SNTG1: variants seen among roughly 807,000 people sequenced by gnomAD.
SNTG1 encodes syntrophin gamma 1.
In SNTG1, 39 loss-of-function variants were observed where a neutral mutation model predicts 74.7. The ratio of observed to expected loss-of-function variants is 0.52; its 90% CI spans 0.40 to 0.68. The LOEUF is 0.68. Among genes scored for constraint, SNTG1 ranks in the 30% least tolerant of loss-of-function variants. The pLI, the probability that SNTG1 is intolerant of heterozygous loss-of-function variation, is 0.00. For synonymous variants in SNTG1, 254 were observed against 217.1 expected (o/e 1.17, Z -1.49); for missense variants, 685 against 609.5 (o/e 1.12, Z -1.30).
At chr8:50,265,373 A>G (rs1443319102) in intron 2 of SNTG1, among the ~76,000 whole-genome samples, 1 of 152,132 alleles carries the variant, frequency 6.6e-6, no homozygotes, top group Non-Finnish European at 1.5e-5. Context: ...ACTGGAAACC[A>G]CCGGATTTTC....
chr8:50,663,847 C>T (rs1057256863), intron 15 of SNTG1, among the ~76,000 whole-genome samples: 1 of 152,132 alleles, frequency 6.6e-6, no homozygotes, highest in African/African-American at 2.4e-5. Flanking sequence ...CTCAGCATTG[C>T]AAATGCCTCC....
intron 9 of SNTG1, among the ~76,000 whole-genome samples, chr8:50,524,280 T>C (rs528004401): frequency 1.2e-4 from 19 of 152,192 alleles, no homozygotes; most frequent in Middle Eastern, 3.4e-3. Flanking sequence ...TGGTTTCAAG[T>C]TAGTGTCTCT....
chr8:50,021,254 C>T (rs1299828469), intron 1 of SNTG1, among the ~76,000 whole-genome samples: 1 of 152,130 alleles, frequency 6.6e-6, no homozygotes, highest in Admixed American at 6.6e-5. Context: ...AACATGACTT[C>T]CTCAATTGTA....
intron 2 of SNTG1, among the ~76,000 whole-genome samples, chr8:50,310,937 TTGCCACCTCC>T (rs2090087531): frequency 6.6e-6 from 1 of 152,162 alleles, no homozygotes. Flanking sequence ...CAGCGTTCAA[TTGCCACCTCC>T]TGCCTTTAGA....
chr8:50,129,154 A>G lies in SNTG1; in HGVS notation c.-102-43407A>G, dbSNP rs10103196. Among the ~76,000 whole-genome samples, 1,201 of 152,252 alleles carry G rather than the reference A, an allele frequency of 7.9e-3. 15 individuals are homozygous for G. The highest frequency in any genetic ancestry group is 0.028 in the African/African-American group (1,157 of 41,556). On this transcript the variant is annotated intron_variant, in intron 1 of 18. Transcript: ENST00000642720. ...ACTGAGTGCCTACTATGTGCCAAGC[A>G]CTACACTAGATACTAAAGACATAAG...
intron 15 of SNTG1, among the ~76,000 whole-genome samples, chr8:50,692,799 C>T (rs2095387371): frequency 2.0e-5 from 3 of 152,224 alleles, no homozygotes. Flanking sequence ...ACATTTAAGT[C>T]TGCAGAGGTT....
chr8:50,249,259 C>T (rs963389471), intron 2 of SNTG1, among the ~76,000 whole-genome samples: 2 of 152,168 alleles, frequency 1.3e-5, no homozygotes, highest in African/African-American at 2.4e-5. Context: ...GGGCAGGAGT[C>T]CTCATGGCAT....
At chr8:50,342,429 T>A (rs914144240) in intron 2 of SNTG1, among the ~76,000 whole-genome samples, 8 of 152,166 alleles carry the variant, frequency 5.3e-5, no homozygotes, top group Admixed American at 3.3e-4. Context: ...ATGTTCGTGG[T>A]GAACCACAGA....
At chr8:50,408,006 T>G (rs1332942157) in intron 4 of SNTG1, among the ~76,000 whole-genome samples, 1 of 152,172 alleles carries the variant, frequency 6.6e-6, no homozygotes, top group Non-Finnish European at 1.5e-5. Context: ...ACAATAGCAG[T>G]GTTACCTAGA....
At chr8:50,206,826 T>A (rs1294095688) in intron 2 of SNTG1, among the ~76,000 whole-genome samples, 1 of 152,224 alleles carries the variant, frequency 6.6e-6, no homozygotes, top group Admixed American at 6.5e-5. Context: ...GAGACAATCA[T>A]GTGGTTTTTG....
At chr8:50,650,193 G>T (rs2095136139) in intron 13 of SNTG1, among the ~76,000 whole-genome samples, 1 of 151,810 alleles carries the variant, frequency 6.6e-6, no homozygotes, top group Admixed American at 6.6e-5. Flanking sequence ...ATAATTTAAA[G>T]ATTCTATCAT....
In SNTG1 at chr8:50,102,323, T is replaced by G. The variant is rs994842641; in HGVS notation, c.-102-70238T>G. Among the ~76,000 whole-genome samples, 211 of 152,144 alleles carry G rather than the reference T, an allele frequency of 1.4e-3. 2 individuals carry two copies. Among genetic ancestry groups the G allele is most frequent in the Admixed American group, 2.5e-3 (38 of 15,256 alleles). On this transcript the variant is annotated intron_variant, in intron 1 of 18. Coordinates refer to ENST00000642720, the MANE Select transcript of SNTG1 (RefSeq NM_018967.5). ...TCTGATGGCCAGTGATGATGAGCAT[T>G]TTTTCATGTGTTTTTTGGCTGCACA...
At chr8:50,596,057 T>G (rs1472964702) in intron 13 of SNTG1, among the ~76,000 whole-genome samples, 2 of 152,010 alleles carry the variant, frequency 1.3e-5, no homozygotes, top group African/African-American at 2.4e-5. Flanking sequence ...AGAACTGTTT[T>G]CCGAAGGGTT....
chr8:50,197,562 T>G (rs1273482575), intron 2 of SNTG1, among the ~76,000 whole-genome samples: 1 of 152,200 alleles, frequency 6.6e-6, no homozygotes, highest in African/African-American at 2.4e-5. Context: ...TTGCATACTT[T>G]CCCTTGTGTG....
chr8:50,363,640 A>C (rs781305745), intron 2 of SNTG1, among the ~76,000 whole-genome samples: 2 of 152,198 alleles, frequency 1.3e-5, no homozygotes, highest in Non-Finnish European at 2.9e-5. Context: ...TAAGCATGTG[A>C]CATCTTTTTT....
At chr8:50,328,468 G>A (rs1461993442) in intron 2 of SNTG1, among the ~76,000 whole-genome samples, 3 of 152,182 alleles carry the variant, frequency 2.0e-5, no homozygotes, top group African/African-American at 7.2e-5. Flanking sequence ...GAGGCCTCAG[G>A]AAACTTACAA....
chr8:50,574,148 C>T (rs1380204588), intron 12 of SNTG1, among the ~76,000 whole-genome samples: 3 of 151,970 alleles, frequency 2.0e-5, no homozygotes. Flanking sequence ...AAGGTCATTA[C>T]CAAGGTCTGA....
intron 2 of SNTG1, among the ~76,000 whole-genome samples, chr8:50,202,578 T>A (rs2131848579): frequency 6.6e-6 from 1 of 152,266 alleles, no homozygotes; most frequent in Non-Finnish European, 1.5e-5. Flanking sequence ...GACCCACAGT[T>A]TTTTTATCCA....
intron 9 of SNTG1, among the ~76,000 whole-genome samples, chr8:50,525,554 T>C (rs1168651677): frequency 6.6e-6 from 1 of 152,068 alleles, no homozygotes; most frequent in African/African-American, 2.4e-5. Context: ...ATTTCTTCAC[T>C]TTTCCTAATT....
Sources: gnomAD v4.1 joint callset for allele counts (sites outside exome capture counted in the v4.1 genomes callset) on GRCh38, gnomAD v4.1.1 for gene constraint, MANE v1.5 for transcripts, NCBI Gene and HGNC (gene_info 2026-07-23, HGNC 2026-07-21) for gene names.